The following PCDHA1 variants were observed in gnomAD, a reference collection of about 807,000 sequenced individuals.
The protein encoded by PCDHA1 is protocadherin alpha 1.
PCDHA1 carries 42 observed loss-of-function variants against 61.3 expected under a neutral mutation model. The ratio of observed to expected loss-of-function variants is 0.69; its 90% CI spans 0.54 to 0.89. The LOEUF is 0.89. PCDHA1 is among the 40% of genes least tolerant of loss of function. The pLI, the probability that PCDHA1 is intolerant of heterozygous loss-of-function variation, is 0.00. For missense variants in PCDHA1, 1,256 were observed against 1,235.3 expected (o/e 1.02, Z -0.25); for synonymous variants, 610 against 553.8 (o/e 1.10, Z -1.43).
chr5:141,010,031 A>G lies in PCDHA1; in HGVS notation c.*94A>G, dbSNP rs113710382. The stretch of plus-strand genomic sequence containing the variant: ...TTCCCTGCTCCTTTTTCCTATCTAC[A>G]TGAGCCCTCTTAGAGACCTCAGAAA... On this transcript the variant is annotated 3_prime_UTR_variant, in exon 4 of 4. Transcript: ENST00000504120. 1.9e-6 allele frequency: 3 copies of G among 1,581,690 alleles called. No individual in the cohort carries two copies. The highest frequency in any genetic ancestry group is 2.6e-6 in the Non-Finnish European group (3 of 1,166,446).
rs144442302 is a variant in PCDHA1, at chr5:140,850,848, C to A, written c.2394+62164C>A. On this transcript the variant is annotated intron_variant, in intron 1 of 3. Coordinates refer to ENST00000504120, the MANE Select transcript of PCDHA1 (RefSeq NM_018900.4). ...TTCTCCTTGTGCTGGATCTACAGAG[C>A]GAACGGGAGAACCCTCTGCTTCCTC... is the stretch of plus-strand genomic sequence containing the variant. The A allele has an allele frequency of 1.4e-5, 23 of 1,596,174 alleles. 3 individuals are homozygous for A. In the Middle Eastern group the frequency reaches 5.0e-4, roughly 35 times the overall value.
chr5:140,797,232 G>A (rs1554120351), intron 1 of PCDHA1: 3 of 1,614,104 alleles, frequency 1.9e-6, no homozygotes, highest in Admixed American at 3.3e-5. Flanking sequence ...AGAGGCGGCA[G>A]AGGGTGTGCT....
chr5:140,823,110 C>T (rs1554129143), intron 1 of PCDHA1: 2 of 1,613,884 alleles, frequency 1.2e-6, no homozygotes, highest in Admixed American at 1.7e-5. Flanking sequence ...TGGAAGTGGC[C>T]GACGTGAACG....
In PCDHA1 at chr5:140,843,023, C is replaced by G. The variant is rs2150350362; in HGVS notation, c.2394+54339C>G. 1.3e-5 allele frequency: 21 copies of G among 1,595,146 alleles called. 2 individuals carry two copies. The highest frequency in any genetic ancestry group is 7.7e-5 in the South Asian group (7 of 90,508). On this transcript the variant is annotated intron_variant, in intron 1 of 3. Coordinates refer to ENST00000504120, the MANE Select transcript of PCDHA1 (RefSeq NM_018900.4). ...TGACAACGCGCCGGCACTGCTGGAG[C>G]CTCGGGTGGGTGGCACTGGTGGCGC...
intron 3 of PCDHA1, among the ~76,000 whole-genome samples, chr5:140,987,227 AT>A (rs1395687024): frequency 4.6e-5 from 7 of 151,696 alleles, no homozygotes; most frequent in African/African-American, 1.7e-4. Context: ...AAAAAAAAAA[AT>A]AATAAATAAA....
chr5:140,877,016 G>A (rs781790454), intron 1 of PCDHA1: 2 of 1,612,362 alleles, frequency 1.2e-6, no homozygotes, highest in Non-Finnish European at 1.7e-6. Context: ...GCGGAGAGCG[G>A]CAAGGTGTAC....
At chr5:140,878,906 C>T (rs1320249788) in intron 1 of PCDHA1, among the ~76,000 whole-genome samples, 2 of 152,210 alleles carry the variant, frequency 1.3e-5, no homozygotes, top group African/African-American at 4.8e-5. Flanking sequence ...CAGGCTCCAC[C>T]ACTCCCAGCT....
At chr5:140,846,754 A>G (rs1430636894) in intron 1 of PCDHA1, among the ~76,000 whole-genome samples, 1 of 149,442 alleles carries the variant, frequency 6.7e-6, no homozygotes, top group Non-Finnish European at 1.5e-5. Context: ...ACAGATCTCT[A>G]ACAGCATATC....
intron 1 of PCDHA1, among the ~76,000 whole-genome samples, chr5:140,903,594 A>G (rs868958257): frequency 3.3e-5 from 5 of 152,238 alleles, no homozygotes; most frequent in South Asian, 2.1e-4. Flanking sequence ...TTGGCCTGAT[A>G]AATGCTTAAT....
intron 1 of PCDHA1, among the ~76,000 whole-genome samples, chr5:140,881,132 T>C (rs1215831856): frequency 1.3e-5 from 2 of 152,218 alleles, no homozygotes; most frequent in African/African-American, 4.8e-5. Flanking sequence ...TTGGTAGAGA[T>C]AGTTATAACA....
intron 1 of PCDHA1, among the ~76,000 whole-genome samples, chr5:140,799,255 G>C (rs1404751108): frequency 3.3e-5 from 5 of 151,962 alleles, no homozygotes; most frequent in African/African-American, 1.2e-4. Context: ...AATCAGTATG[G>C]AGTCTACTCT....
chr5:140,826,340 CCCTTT>C (rs1437907003), intron 1 of PCDHA1, among the ~76,000 whole-genome samples: 2 of 152,002 alleles, frequency 1.3e-5, no homozygotes, highest in African/African-American at 4.8e-5. Flanking sequence ...AGAAATTGAA[CCCTTT>C]GTTTGCCCAA....
chr5:140,967,299 G>T, intron 1 of PCDHA1: 3 of 1,612,674 alleles, frequency 1.9e-6, no homozygotes, highest in Non-Finnish European at 2.5e-6. Flanking sequence ...CCCGACGTGG[G>T]CGCCAACTCA....
At chr5:140,976,338 G>A (rs1554237535) in intron 1 of PCDHA1, among the ~76,000 whole-genome samples, 1 of 152,018 alleles carries the variant, frequency 6.6e-6, no homozygotes, top group Non-Finnish European at 1.5e-5. Flanking sequence ...ATTGCCTGAG[G>A]TCAGGTGTTC....
chr5:140,902,622 A>C (rs1328816868), intron 1 of PCDHA1, among the ~76,000 whole-genome samples: 2 of 152,068 alleles, frequency 1.3e-5, no homozygotes, highest in Non-Finnish European at 2.9e-5. Flanking sequence ...TGGGTAAGTT[A>C]TTTAGTGGTG....
intron 1 of PCDHA1, chr5:140,883,784 A>G (rs2059818732): frequency 3.7e-6 from 6 of 1,612,354 alleles, no homozygotes; most frequent in Non-Finnish European, 4.2e-6. Context: ...TGCGCTGTCG[A>G]GCTACGTGTC....
At chr5:140,874,845 A>G (rs1201887753) in intron 1 of PCDHA1, among the ~76,000 whole-genome samples, 1 of 152,236 alleles carries the variant, frequency 6.6e-6, no homozygotes, top group Non-Finnish European at 1.5e-5. Flanking sequence ...GGTATTAGAC[A>G]TATTTTAGTT....
intron 1 of PCDHA1, among the ~76,000 whole-genome samples, chr5:140,895,476 G>A (rs928938592): frequency 6.6e-6 from 1 of 152,074 alleles, no homozygotes; most frequent in Non-Finnish European, 1.5e-5. Context: ...ATCCTCTTCG[G>A]AGAAATACCT....
rs377081112 is a variant in PCDHA1 at position 140,871,063 on chromosome 5, G to C, written c.2394+82379G>C. On this transcript the variant is annotated intron_variant, in intron 1 of 3. Coordinates refer to ENST00000504120, the MANE Select transcript of PCDHA1 (RefSeq NM_018900.4). ...ACTTCTAGTACTGGTGAAGGATCAC[G>C]GTGAGCCGGCGCTGACGGCCACGGC... The C allele has an allele frequency of 2.7e-5, 43 of 1,613,154 alleles. 1 individual carries two copies. The South Asian group carries it at 4.5e-4, about 17-fold the overall frequency.
Sources: gnomAD v4.1 joint callset for allele counts (sites outside exome capture counted in the v4.1 genomes callset) on GRCh38, gnomAD v4.1.1 for gene constraint, MANE v1.5 for transcripts, NCBI Gene and HGNC (gene_info 2026-07-23, HGNC 2026-07-21) for gene names.